Variants in DNAJC2 observed in about 807,000 individuals in gnomAD.
DNAJC2 encodes the protein dnaJ homolog subfamily C member 2.
A neutral mutation model predicts 94.0 loss-of-function variants in DNAJC2; 32 were observed. The ratio of observed to expected loss-of-function variants is 0.34; its 90% CI spans 0.26 to 0.46. The LOEUF is 0.46. Ranked by LOEUF, DNAJC2 falls within the 20% of genes least tolerant of loss-of-function variation. DNAJC2 has a pLI of 1.00. For missense variants in DNAJC2, 550 were observed against 719.5 expected, an observed-to-expected ratio of 0.76 and a Z score of 2.69; for synonymous variants, 210 against 229.7, an observed-to-expected ratio of 0.91 and a Z score of 0.77.
In DNAJC2 at chr7:103,322,752, T is replaced by C. The variant is rs753020560; in HGVS notation, c.762A>G (p.Thr254=). 2 of 1,609,160 alleles carry C rather than the reference T, an allele frequency of 1.2e-6. No individual in the cohort carries two copies. Among genetic ancestry groups the C allele is most frequent in the South Asian group, 1.1e-5 (1 of 91,030 alleles). The change falls in exon 8 of 17, where the codon ACA becomes ACG. Residue 254 remains threonine, a synonymous_variant. Transcript: ENST00000379263. The part of the protein sequence containing the change: ...RRWIEKQNRA[T]RAQRKKEEMN... ...TTTCTTCTTTTTTTCTTTGTGCTCT[T>C]GTTGCTCTGTTCTGCTTTTCAATCC... is the stretch of plus-strand genomic sequence containing the variant.
intron 7 of DNAJC2, 84 bp from the exon 8 acceptor site, chr7:103,322,878 T>C: frequency 9.4e-7 from 1 of 1,061,454 alleles, no homozygotes; most frequent in Non-Finnish European, 1.4e-6. Flanking sequence ...AATATTTATA[T>C]GTACATAACA....
chr7:103,312,672 A>G, intron 16 of DNAJC2, 29 bp from the exon 17 acceptor site: 1 of 1,604,500 alleles, frequency 6.2e-7, no homozygotes, highest in South Asian at 1.1e-5. Context: ...GTGATTTAAG[A>G]AGTTGCGATT....
At chr7:103,323,568 C>T (rs1210983432) in intron 7 of DNAJC2, 30 bp downstream of exon 7, 2 of 1,429,880 alleles carry the variant, frequency 1.4e-6, no homozygotes, top group Non-Finnish European at 1.9e-6. Flanking sequence ...CAAATAAATA[C>T]CTTCCATTAT....
chr7:103,328,619 A>G (rs1818833963), intron 3 of DNAJC2, among the ~76,000 whole-genome samples: 1 of 151,502 alleles, frequency 6.6e-6, no homozygotes, highest in African/African-American at 2.5e-5. Flanking sequence ...TGACAGAGTG[A>G]GACTCTGTGT....
intron 3 of DNAJC2, among the ~76,000 whole-genome samples, chr7:103,334,076 G>A (rs1345239493): frequency 1.3e-5 from 2 of 151,726 alleles, no homozygotes; most frequent in Non-Finnish European, 2.9e-5. Context: ...TCAGCCACGC[G>A]AGTAGCTGCG....
At chr7:103,319,280 T>TA (rs201116605) in intron 12 of DNAJC2, among the ~76,000 whole-genome samples, 1,789 of 152,146 alleles carry the variant, frequency 0.012, 35 homozygotes, top group African/African-American at 0.041. Context: ...CTACCAAAAA[T>TA]ACAAAAATTA....
At chr7:103,322,364 A>G in intron 9 of DNAJC2, 147 bp downstream of exon 9, 1 of 905,102 alleles carries the variant, frequency 1.1e-6, no homozygotes, top group South Asian at 2.0e-5. Flanking sequence ...TCTCTCAATT[A>G]TACCAACTGG....
At chr7:103,321,693 C>T (rs934177352) in intron 10 of DNAJC2, among the ~76,000 whole-genome samples, 1 of 151,768 alleles carries the variant, frequency 6.6e-6, no homozygotes, top group Admixed American at 6.6e-5. Context: ...ACTAAAAATA[C>T]AAAAAATTAG....
intron 3 of DNAJC2, 90 bp from the exon 4 acceptor site, chr7:103,327,844 G>T: frequency 1.4e-6 from 1 of 709,136 alleles, no homozygotes; most frequent in Non-Finnish European, 2.4e-6. Context: ...AAATCATAAG[G>T]CTAATATTAG....
intron 2 of DNAJC2, 69 bp from the exon 3 acceptor site, chr7:103,337,880 G>T: frequency 4.4e-6 from 5 of 1,141,910 alleles, no homozygotes; most frequent in Non-Finnish European, 6.5e-6. Flanking sequence ...TTGTGTTCTG[G>T]TACCTTAATA....
intron 2 of DNAJC2, among the ~76,000 whole-genome samples, chr7:103,340,551 A>C (rs970958642): frequency 3.3e-5 from 5 of 152,328 alleles, no homozygotes; most frequent in Admixed American, 3.3e-4. Context: ...TAAACCTTTG[A>C]GCTGTTAACA....
intron 3 of DNAJC2, chr7:103,329,068 G>T: frequency 9.5e-7 from 1 of 1,054,082 alleles, no homozygotes; most frequent in Non-Finnish European, 1.2e-6. Flanking sequence ...TAAAATTTGT[G>T]ATTATCGCTG....
chr7:103,343,002 A>G (rs991342954), intron 1 of DNAJC2, among the ~76,000 whole-genome samples: 2 of 151,180 alleles, frequency 1.3e-5, no homozygotes, highest in Admixed American at 1.3e-4. Context: ...AACTCAAACT[A>G]TCTTTTTATT....
chr7:103,337,694 T>A lies in DNAJC2; in HGVS notation c.331+42A>T, dbSNP rs1285437327. The A allele has an allele frequency of 3.4e-6, 5 of 1,470,084 alleles. No individual in the cohort carries two copies. The East Asian group carries it at 1.1e-4, about 33-fold the overall frequency. 91.1% of individuals were successfully genotyped at this position (1,470,084 alleles called of 1,614,324 possible). ...TTAAAAAGCATAGCCAGCCTGTTCCTATACAAGATATTTGATTATTTCAAA... is the reference window on the plus strand; with the variant it reads ...TTAAAAAGCATAGCCAGCCTGTTCCAATACAAGATATTTGATTATTTCAAA... On this transcript the variant is annotated intron_variant, in intron 3 of 16. Coordinates refer to ENST00000379263, the MANE Select transcript of DNAJC2 (RefSeq NM_014377.3).
chr7:103,338,601 G>A (rs149539615), intron 2 of DNAJC2, among the ~76,000 whole-genome samples: 1 of 151,992 alleles, frequency 6.6e-6, no homozygotes, highest in African/African-American at 2.4e-5. Flanking sequence ...ACCCGGCCAA[G>A]ACCCTGTCTT....
intron 10 of DNAJC2, 59 bp downstream of exon 10, chr7:103,321,873 T>C (rs1794398285): frequency 1.3e-6 from 2 of 1,544,258 alleles, no homozygotes; most frequent in East Asian, 2.3e-5. Context: ...AAAAGAAGTA[T>C]TTTTGCTTAA....
At chr7:103,314,146 G>A (rs1271839491) in intron 15 of DNAJC2, 1 of 985,280 alleles carries the variant, frequency 1.0e-6, no homozygotes, top group African/African-American at 1.7e-5. Context: ...TAAGTTCTAG[G>A]AAGTCTTTTG....
At chr7:103,323,506 A>G (rs1586084288) in intron 7 of DNAJC2, 92 bp downstream of exon 7, 1 of 1,259,794 alleles carries the variant, frequency 7.9e-7, no homozygotes, top group Non-Finnish European at 1.1e-6. Context: ...AAGAGAAAAT[A>G]TGAAAGAAAA....
At chr7:103,327,359 A>G (rs756812648) in intron 4 of DNAJC2, 2 of 1,283,428 alleles carry the variant, frequency 1.6e-6, no homozygotes, top group South Asian at 2.5e-5. Flanking sequence ...TGAGCTTCTG[A>G]TAAGAATCAC....
Sources: allele counts gnomAD v4.1 joint callset (sites outside exome capture counted in the v4.1 genomes callset), GRCh38; gene constraint gnomAD v4.1.1; transcripts MANE v1.5; gene names NCBI Gene and HGNC (gene_info 2026-07-23, HGNC 2026-07-21).